Variants in TNFRSF11B observed in about 807,000 individuals in gnomAD.
TNFRSF11B encodes the protein TNF receptor superfamily member 11b.
A neutral mutation model predicts 43.4 loss-of-function variants in TNFRSF11B; 16 were observed. The ratio of observed to expected loss-of-function variants is 0.37; its 90% CI spans 0.25 to 0.56. TNFRSF11B has a LOEUF of 0.56. Ranked by LOEUF, TNFRSF11B falls within the 20% of genes least tolerant of loss-of-function variation. The probability of loss-of-function intolerance (pLI) is 0.80; values close to 1 mark genes in which losing one functional copy is unlikely to be tolerated. For synonymous variants in TNFRSF11B, 185 were observed against 181.8 expected, an observed-to-expected ratio of 1.02 and a Z score of -0.14; for missense variants, 444 against 490.1, an observed-to-expected ratio of 0.91 and a Z score of 0.89.
intron 4 of TNFRSF11B, 35 bp from the exon 5 acceptor site, chr8:118,924,797 T>A (rs1241187800): frequency 6.2e-7 from 1 of 1,613,346 alleles, no homozygotes; most frequent in Admixed American, 1.7e-5. Flanking sequence ...AGTGTTCACA[T>A]CATTTATATT....
At position 118,924,672 on chromosome 8, in the gene TNFRSF11B, G is replaced by C; in HGVS notation, c.908C>G (p.Pro303Arg). The C allele has an allele frequency of 6.2e-7, 1 of 1,614,030 alleles. No homozygotes were observed. The highest frequency in any genetic ancestry group is 8.5e-7 in the Non-Finnish European group (1 of 1,180,020). ...EQLRSLMESL[P>R]GKKVGAEDIE... is the part of the protein sequence containing the mutation. ...GTCTTCTGCTCCCACTTTCTTTCCC[G>C]GTAAGCTTTCCATCAAGCTACGAAG... Residue 303 changes from proline (P) to arginine (R), a missense_variant, in exon 5 of 5, where the codon CCG becomes CGG. Physicochemically the swap from Pro to Arg is moderately radical, Grantham distance 103. Transcript: ENST00000297350.
chr8:118,935,031 C>T (rs2129901018), intron 1 of TNFRSF11B, among the ~76,000 whole-genome samples: 1 of 152,298 alleles, frequency 6.6e-6, no homozygotes, highest in East Asian at 1.9e-4. Context: ...CGGTCATTGA[C>T]CTCTTCACAG....
At chr8:118,932,794 G>A (rs1812347524) in intron 2 of TNFRSF11B, 137 bp downstream of exon 2, 3 of 1,105,304 alleles carry the variant, frequency 2.7e-6, no homozygotes, top group Non-Finnish European at 2.6e-6. Flanking sequence ...CAGACACATA[G>A]TACCTACCTG....
At chr8:118,940,833 A>T (rs1455295925) in intron 1 of TNFRSF11B, among the ~76,000 whole-genome samples, 1 of 152,200 alleles carries the variant, frequency 6.6e-6, no homozygotes, top group Non-Finnish European at 1.5e-5. Context: ...CTTGGTGTAG[A>T]ACAAATGATT....
At chr8:118,927,453 A>C (rs1297119020) in intron 3 of TNFRSF11B, among the ~76,000 whole-genome samples, 1 of 152,152 alleles carries the variant, frequency 6.6e-6, no homozygotes, top group Non-Finnish European at 1.5e-5. Flanking sequence ...ACAGTACCAC[A>C]TAGTAAGTGC....
chr8:118,951,143 A>C (rs1395803024), intron 1 of TNFRSF11B, among the ~76,000 whole-genome samples: 1 of 152,220 alleles, frequency 6.6e-6, no homozygotes, highest in East Asian at 1.9e-4. Context: ...TCAATTCTTT[A>C]GATATGTTTT....
Position 118,933,274 on chromosome 8 carries a change from G to A in TNFRSF11B, c.57C>T (p.Thr19=), listed in dbSNP as rs1260557624. The A allele has an allele frequency of 2.5e-6, 4 of 1,613,752 alleles. No homozygotes were observed. The highest frequency in any genetic ancestry group is 3.4e-6 in the Non-Finnish European group (4 of 1,180,046). The change falls in exon 2 of 5, where the codon ACC becomes ACT. Residue 19 remains threonine, a synonymous_variant. Transcript: ENST00000297350. ...ACTTTGGAGGAAACGTTTCCTGGGTGGTCCACTTAATGGAGATGTCCAGAA... is the reference window on the plus strand; with the variant it reads ...ACTTTGGAGGAAACGTTTCCTGGGTAGTCCACTTAATGGAGATGTCCAGAA... ...LVFLDISIKW[T]TQETFPPKYL...
At chr8:118,939,177 G>A (rs1329551090) in intron 1 of TNFRSF11B, among the ~76,000 whole-genome samples, 3 of 152,086 alleles carry the variant, frequency 2.0e-5, no homozygotes, top group African/African-American at 7.2e-5. Flanking sequence ...AGTTATGAAA[G>A]TTATCAAAAA....
intron 1 of TNFRSF11B, among the ~76,000 whole-genome samples, chr8:118,946,602 T>G (rs11573836): frequency 4.6e-5 from 7 of 152,272 alleles, no homozygotes; most frequent in Admixed American, 1.3e-4. Context: ...GATTTTTGTT[T>G]TCTTTTCTAA....
At chr8:118,929,914 A>G (rs1161322304) in intron 2 of TNFRSF11B, among the ~76,000 whole-genome samples, 2 of 152,252 alleles carry the variant, frequency 1.3e-5, no homozygotes, top group Non-Finnish European at 2.9e-5. Flanking sequence ...ACAGAAACTT[A>G]TTAAACTTCA....
chr8:118,950,594 A>G (rs1812628355), intron 1 of TNFRSF11B, among the ~76,000 whole-genome samples: 2 of 152,206 alleles, frequency 1.3e-5, no homozygotes, highest in Admixed American at 6.5e-5. Context: ...AAACTGCATT[A>G]GGCACTTACC....
chr8:118,930,601 AG>A, intron 2 of TNFRSF11B: 1 of 288,404 alleles, frequency 3.5e-6, no homozygotes, highest in Non-Finnish European at 7.2e-6. Flanking sequence ...TAGTAGAGGC[AG>A]GGTTTCATCA....
intron 1 of TNFRSF11B, among the ~76,000 whole-genome samples, chr8:118,937,119 A>G (rs1812416261): frequency 6.6e-6 from 1 of 152,190 alleles, no homozygotes; most frequent in Admixed American, 6.5e-5. Context: ...AGCAATGTTA[A>G]AGAATTTTCC....
At chr8:118,950,738 A>C (rs1295933847) in intron 1 of TNFRSF11B, among the ~76,000 whole-genome samples, 1 of 152,222 alleles carries the variant, frequency 6.6e-6, no homozygotes, top group African/African-American at 2.4e-5. Context: ...TTATGGGTAG[A>C]TTCCTATCCA....
chr8:118,945,798 A>C (rs888243316), intron 1 of TNFRSF11B, among the ~76,000 whole-genome samples: 4 of 152,130 alleles, frequency 2.6e-5, no homozygotes, highest in African/African-American at 9.7e-5. Context: ...GGATTTACTA[A>C]AGGCAGCCAC....
At chr8:118,928,292 G>T (rs1437902883) in intron 3 of TNFRSF11B, among the ~76,000 whole-genome samples, 1 of 152,134 alleles carries the variant, frequency 6.6e-6, no homozygotes, top group Non-Finnish European at 1.5e-5. Context: ...AAAATGTTGG[G>T]ATTATAGGAG....
intron 1 of TNFRSF11B, among the ~76,000 whole-genome samples, chr8:118,938,964 G>A (rs1812441574): frequency 6.6e-6 from 1 of 152,166 alleles, no homozygotes; most frequent in South Asian, 2.1e-4. Flanking sequence ...CACAAAGTCT[G>A]AAATAACCAC....
At chr8:118,931,344 G>C (rs187422485) in intron 2 of TNFRSF11B, among the ~76,000 whole-genome samples, 10 of 152,190 alleles carry the variant, frequency 6.6e-5, no homozygotes, top group African/African-American at 2.4e-4. Context: ...GTGTACTTTT[G>C]TTCTGAGTCT....
intron 1 of TNFRSF11B, among the ~76,000 whole-genome samples, chr8:118,941,852 C>T (rs1355263599): frequency 6.6e-6 from 1 of 152,076 alleles, no homozygotes; most frequent in Non-Finnish European, 1.5e-5. Flanking sequence ...AATATTTCTT[C>T]CTTTGGGCTT....
Sources: gnomAD v4.1 joint callset for allele counts (sites outside exome capture counted in the v4.1 genomes callset) on GRCh38, gnomAD v4.1.1 for gene constraint, MANE v1.5 for transcripts, NCBI Gene and HGNC (gene_info 2026-07-23, HGNC 2026-07-21) for gene names.